The following SPG11 variants were observed in gnomAD, a reference collection of about 807,000 sequenced individuals.
SPG11 encodes the protein SPG11 vesicle trafficking associated, spatacsin.
In SPG11, 222 loss-of-function variants were observed where a neutral mutation model predicts 274.0. The ratio of observed to expected loss-of-function variants is 0.81; its 90% CI spans 0.73 to 0.91. The LOEUF (loss-of-function observed/expected upper bound fraction) is 0.91, where lower values mean the gene tolerates loss of function less well. SPG11 is among the 40% of genes least tolerant of loss of function. The pLI is 0.00. For synonymous variants in SPG11, 1,144 were observed against 1,039.7 expected (o/e 1.10, Z -1.93); for missense variants, 3,114 against 2,872.7 (o/e 1.08, Z -1.92).
chr15:44,566,705 C>T (rs993172235), intron 36 of SPG11, among the ~76,000 whole-genome samples: 4 of 152,108 alleles, frequency 2.6e-5, no homozygotes, highest in African/African-American at 9.7e-5. Flanking sequence ...CCCACCTCAA[C>T]ATTCTTTTTT....
chr15:44,579,223 T>A (rs117781622), intron 30 of SPG11, among the ~76,000 whole-genome samples: 2,250 of 151,040 alleles, frequency 0.015, 58 homozygotes, highest in East Asian at 0.098. Context: ...TTACTCAGCA[T>A]AAGAAAAAGC....
intron 34 of SPG11, among the ~76,000 whole-genome samples, chr15:44,570,178 T>TA (rs1397971295): frequency 6.6e-6 from 1 of 152,180 alleles, no homozygotes; most frequent in Non-Finnish European, 1.5e-5. Flanking sequence ...GTTGCCGACT[T>TA]ACTTCAATTC....
intron 26 of SPG11, among the ~76,000 whole-genome samples, chr15:44,593,948 T>C (rs1372594113): frequency 6.6e-6 from 1 of 150,728 alleles, no homozygotes; most frequent in Non-Finnish European, 1.5e-5. Flanking sequence ...TTTTGTATTT[T>C]TAGTAGAGAC....
At chr15:44,621,690 TA>T (rs1237497745) in intron 14 of SPG11, 68 bp downstream of exon 14, 1 of 1,436,530 alleles carries the variant, frequency 7.0e-7, no homozygotes, top group Non-Finnish European at 9.8e-7. Flanking sequence ...CACATCAAAA[TA>T]TTCAAATATC....
In SPG11 at chr15:44,620,307, TG is replaced by T. The variant is rs312262747; in HGVS notation, c.2716del (p.Gln906SerfsTer15). 6 of 1,614,104 alleles carry T rather than the reference TG, an allele frequency of 3.7e-6. No homozygotes were observed. In the South Asian group the frequency reaches 6.6e-5, roughly 18 times the overall value. ...IILWIGEFQTQHSYASLQQNK... is the reference protein window; with the variant it reads ...IILWIGEFQTXHSYASLQQNK... The stretch of plus-strand genomic sequence containing the variant: ...CTGCTGAAGTGAAGCATAACTATGC[TG>T]GGTTTGAAATTCTCCAATCCATAAG... On this transcript the variant is annotated frameshift_variant, in exon 15 of 40. Transcript: ENST00000261866. LOFTEE classifies it high-confidence loss of function.
At chr15:44,581,281 A>T (rs1457622318) in intron 30 of SPG11, among the ~76,000 whole-genome samples, 3 of 152,046 alleles carry the variant, frequency 2.0e-5, no homozygotes, top group Non-Finnish European at 4.4e-5. Context: ...AACATGGCTC[A>T]CTGCAGCCTT....
At position 44,567,610 on chromosome 15, in the gene SPG11, G is replaced by C. The variant is rs1199837448; in HGVS notation, c.6586-18C>G. 6.2e-7 allele frequency: 1 copy of C among 1,613,788 alleles called. No homozygotes were observed. Among genetic ancestry groups the C allele is most frequent in the East Asian group, 2.2e-5 (1 of 44,850 alleles). ...GTACCACTCTGCCCAGAATAAAAGG[G>C]AAAAAGCAAGGTGTCAGTCAGGGAC... is the stretch of plus-strand genomic sequence containing the variant. On this transcript the variant is annotated intron_variant, in intron 35 of 39. Coordinates refer to ENST00000261866, the MANE Select transcript of SPG11 (RefSeq NM_025137.4).
intron 4 of SPG11, among the ~76,000 whole-genome samples, chr15:44,654,093 A>C (rs1409397567): frequency 2.0e-5 from 3 of 152,208 alleles, no homozygotes; most frequent in African/African-American, 4.8e-5. Context: ...AGCTGAGACC[A>C]CAGGCATGTA....
At chr15:44,586,243 G>T (rs2140951374) in intron 28 of SPG11, among the ~76,000 whole-genome samples, 1 of 152,140 alleles carries the variant, frequency 6.6e-6, no homozygotes, top group Non-Finnish European at 1.5e-5. Context: ...TTCTACTCTG[G>T]TTGACTAGCA....
chr15:44,582,166 G>T (rs984858623), intron 30 of SPG11, among the ~76,000 whole-genome samples: 1 of 152,128 alleles, frequency 6.6e-6, no homozygotes, highest in African/African-American at 2.4e-5. Flanking sequence ...AATAACACCA[G>T]TTCTACACAA....
intron 22 of SPG11, 62 bp from the exon 23 acceptor site, chr15:44,598,435 G>C (rs2083100080): frequency 1.7e-5 from 25 of 1,489,718 alleles, no homozygotes; most frequent in Non-Finnish European, 2.2e-5. Context: ...GAGCATTTCT[G>C]TTTGAATAGT....
At chr15:44,607,366 T>C (rs111605777) in intron 19 of SPG11, among the ~76,000 whole-genome samples, 15,474 of 152,214 alleles carry the variant, frequency 0.1, 2,040 homozygotes, top group African/African-American at 0.29. Flanking sequence ...ACTGCAACTT[T>C]CGCCTCCCAG....
intron 34 of SPG11, among the ~76,000 whole-genome samples, chr15:44,569,774 T>C (rs1401580108): frequency 6.6e-6 from 1 of 151,402 alleles, no homozygotes; most frequent in Non-Finnish European, 1.5e-5. Flanking sequence ...TGGAGTGTAG[T>C]GGCACGACCT....
intron 32 of SPG11, 138 bp downstream of exon 32, chr15:44,573,408 TA>T (rs1318802734): frequency 1.1e-6 from 1 of 880,928 alleles, no homozygotes; most frequent in African/African-American, 1.7e-5. Context: ...TTGTTTTATT[TA>T]AACAAAATAC....
intron 10 of SPG11, 58 bp downstream of exon 10, chr15:44,628,611 G>T: frequency 1.4e-6 from 2 of 1,463,918 alleles, no homozygotes; most frequent in Non-Finnish European, 9.5e-7. Context: ...TCTTTCTATT[G>T]TTTTCTCAGA....
rs958984875 is a variant in SPG11 at position 44,598,376 on chromosome 15, G to A, written c.3893-3C>T. The A allele has an allele frequency of 5.0e-6, 8 of 1,611,746 alleles. No homozygotes were observed. Among genetic ancestry groups the A allele is most frequent in the African/African-American group, 2.7e-5 (2 of 74,892 alleles). On this transcript the variant is annotated splice_region_variant and splice_polypyrimidine_tract_variant and intron_variant, in intron 22 of 39. Transcript: ENST00000261866. ...AGCTAGTTTAGATAGTTTTTCGGCT[G>A]TAAGAAATATAAACAACAAAATATG...
At position 44,570,633 on chromosome 15, in the gene SPG11, A is replaced by T. The variant is rs1243026973; in HGVS notation, c.6369T>A (p.His2123Gln). The T allele has an allele frequency of 1.2e-6, 2 of 1,614,026 alleles. No homozygotes were observed. Among genetic ancestry groups the T allele is most frequent in the Middle Eastern group, 1.6e-4 (1 of 6,062 alleles). ...SCTTELLILA[H>Q]HCFTLTCHME... ...TGTGGCACGTCAGGGTGAAGCAATG[A>T]TGGGCCAGGATCAGGAGCTCTGTGG... Residue 2123 changes from histidine to glutamine, a missense_variant, in exon 34 of 40, where the codon CAT (histidine) becomes CAA (glutamine). Physicochemically the swap from His to Gln is conservative, Grantham distance 24. Coordinates refer to ENST00000261866, the MANE Select transcript of SPG11 (RefSeq NM_025137.4).
chr15:44,622,422 C>T, intron 12 of SPG11, 75 bp from the exon 13 acceptor site: 2 of 1,206,856 alleles, frequency 1.7e-6, no homozygotes, highest in Non-Finnish European at 2.4e-6. Flanking sequence ...ATGAGATTAT[C>T]AAATAAGGTA....
Position 44,598,671 on chromosome 15 carries a change from T to C in SPG11, c.3852A>G (p.Arg1284=). The stretch of plus-strand genomic sequence containing the variant: ...TAAAGCTGTACTGAGCATCTTCATT[T>C]CTGCACTTGTAGCTCAAAATTATAT... ...VANIILSYKC[R]NEDAQYSFIR... The change falls in exon 22 of 40, where the codon AGA becomes AGG. Residue 1284 remains arginine, a synonymous_variant. Transcript: ENST00000261866. 6.2e-7 allele frequency: 1 copy of C among 1,614,238 alleles called. No homozygotes were observed. The highest frequency in any genetic ancestry group is 1.3e-5 in the African/African-American group (1 of 75,066).
Sources: allele counts gnomAD v4.1 joint callset (sites outside exome capture counted in the v4.1 genomes callset), GRCh38; gene constraint gnomAD v4.1.1; transcripts MANE v1.5; gene names NCBI Gene and HGNC (gene_info 2026-07-23, HGNC 2026-07-21).